The following MEMO1 variants were observed in gnomAD, a reference collection of about 807,000 sequenced individuals.
MEMO1 encodes protein MEMO1.
A neutral mutation model predicts 45.2 loss-of-function variants in MEMO1; 6 were observed. The observed-to-expected ratio is 0.13, with a 90% CI of 0.07 to 0.26. MEMO1 has a LOEUF of 0.26. Ranked by LOEUF, MEMO1 falls within the 10% of genes least tolerant of loss-of-function variation. The pLI is 1.00. For synonymous variants in MEMO1, 78 were observed against 124.3 expected (o/e 0.63, Z 2.48); for missense variants, 184 against 370.5 (o/e 0.50, Z 4.13).
intron 2 of MEMO1, among the ~76,000 whole-genome samples, chr2:31,954,351 A>C (rs1667170341): frequency 6.6e-6 from 1 of 152,180 alleles, no homozygotes; most frequent in Admixed American, 6.5e-5. Context: ...TGGAAGGCCG[A>C]GGTGGGAGGA....
intron 2 of MEMO1, among the ~76,000 whole-genome samples, chr2:32,006,919 C>T (rs1014367526): frequency 7.4e-6 from 1 of 135,718 alleles, no homozygotes; most frequent in Non-Finnish European, 1.5e-5. Flanking sequence ...GAGCCAAGAT[C>T]GTGCCATTGC....
intron 3 of MEMO1, among the ~76,000 whole-genome samples, chr2:31,938,305 T>TTAAA (rs1322575126): frequency 6.6e-6 from 1 of 151,922 alleles, no homozygotes; most frequent in Non-Finnish European, 1.5e-5. Flanking sequence ...GGTTCTGAGT[T>TTAAA]TATTTAAGGT....
At chr2:31,868,742 CT>C (rs1245527316) in intron 9 of MEMO1, among the ~76,000 whole-genome samples, 1 of 152,156 alleles carries the variant, frequency 6.6e-6, no homozygotes, top group African/African-American at 2.4e-5. Flanking sequence ...CTCCCTCTCC[CT>C]GTAATAAGGC....
chr2:31,905,747 G>C (rs187780329), intron 6 of MEMO1, among the ~76,000 whole-genome samples: 98 of 152,206 alleles, frequency 6.4e-4, no homozygotes, highest in African/African-American at 2.3e-3. Flanking sequence ...CATCTTAACT[G>C]TCTCACATAG....
intron 2 of MEMO1, among the ~76,000 whole-genome samples, chr2:31,955,284 C>G (rs1045374751): frequency 6.6e-6 from 1 of 152,118 alleles, no homozygotes; most frequent in South Asian, 2.1e-4. Flanking sequence ...GTGAATGCAG[C>G]TAACAGACTC....
intron 8 of MEMO1, among the ~76,000 whole-genome samples, chr2:31,878,414 C>A (rs546897739): frequency 6.6e-6 from 1 of 152,232 alleles, no homozygotes; most frequent in East Asian, 1.9e-4. Flanking sequence ...TTGGTTCCTA[C>A]TTTAAGCCAC....
chr2:31,966,940 T>G (rs1183963858), intron 2 of MEMO1, among the ~76,000 whole-genome samples: 4 of 152,102 alleles, frequency 2.6e-5, no homozygotes, highest in Admixed American at 6.6e-5. Flanking sequence ...AACCAAGTAT[T>G]TTTATAATTT....
At chr2:31,988,334 G>A (rs1671526318) in intron 2 of MEMO1, among the ~76,000 whole-genome samples, 1 of 151,802 alleles carries the variant, frequency 6.6e-6, no homozygotes, top group South Asian at 2.1e-4. Context: ...ATCACTTGAG[G>A]TCAGGAGTTT....
intron 2 of MEMO1, among the ~76,000 whole-genome samples, chr2:31,960,180 G>C (rs184745095): frequency 2.6e-3 from 396 of 150,184 alleles, no homozygotes; most frequent in Middle Eastern, 6.8e-3. Context: ...CTGGGTGATA[G>C]AGCAAGATCC....
At chr2:31,970,849 G>C (rs1246281749) in intron 2 of MEMO1, among the ~76,000 whole-genome samples, 1 of 151,912 alleles carries the variant, frequency 6.6e-6, no homozygotes, top group Non-Finnish European at 1.5e-5. Flanking sequence ...ACTAAAAATA[G>C]ACCAATTAGC....
At chr2:31,932,751 T>A (rs540815037) in intron 3 of MEMO1, among the ~76,000 whole-genome samples, 201 of 152,306 alleles carry the variant, frequency 1.3e-3, no homozygotes, top group African/African-American at 4.4e-3. Context: ...TGAGTTTTTT[T>A]ATACTCCTCT....
intron 4 of MEMO1, among the ~76,000 whole-genome samples, chr2:31,931,271 C>T (rs953430958): frequency 6.6e-5 from 10 of 152,108 alleles, no homozygotes; most frequent in Non-Finnish European, 1.5e-4. Context: ...GCATGATTTT[C>T]TTTATTAAAT....
intron 2 of MEMO1, among the ~76,000 whole-genome samples, chr2:31,960,007 A>G (rs1169475325): frequency 6.6e-6 from 1 of 152,162 alleles, no homozygotes; most frequent in Non-Finnish European, 1.5e-5. Flanking sequence ...GGATCACTTG[A>G]GGCCAGGAGT....
At chr2:31,920,686 A>G in intron 5 of MEMO1, 112 bp downstream of exon 5, 1 of 533,758 alleles carries the variant, frequency 1.9e-6, no homozygotes, top group South Asian at 4.8e-5. Flanking sequence ...AACAATTTTT[A>G]TTTTAAATAT....
intron 2 of MEMO1, among the ~76,000 whole-genome samples, chr2:31,984,036 G>T (rs114986849): frequency 6.6e-6 from 1 of 152,188 alleles, no homozygotes; most frequent in Non-Finnish European, 1.5e-5. Flanking sequence ...TAAGTTGAGT[G>T]GGGGAGGGGC....
rs1317305999 is a variant in MEMO1 at position 31,907,818 on chromosome 2, CACAT to C, written c.437+10104_437+10107del. 6.0e-3 allele frequency among the ~76,000 whole-genome samples: 901 copies of C among 150,236 alleles called. 12 individuals carry two copies. The highest frequency in any genetic ancestry group is 0.02 in the African/African-American group (837 of 40,960). On this transcript the variant is annotated intron_variant, in intron 6 of 9. Transcript: ENST00000404530. ...ACACACACACACACACACACACACA[CACAT>C]ACACACAACTAGTACAACTAGCAAA... is the stretch of plus-strand genomic sequence containing the variant.
chr2:31,873,122 A>G (rs994860140), intron 8 of MEMO1, among the ~76,000 whole-genome samples: 1 of 152,192 alleles, frequency 6.6e-6, no homozygotes, highest in African/African-American at 2.4e-5. Context: ...TTATTTCTTA[A>G]AAGAGTAGAA....
At chr2:31,953,041 T>C (rs945888822) in intron 2 of MEMO1, among the ~76,000 whole-genome samples, 1 of 152,202 alleles carries the variant, frequency 6.6e-6, no homozygotes, top group African/African-American at 2.4e-5. Flanking sequence ...AATTCTGTAT[T>C]ATGTATCTAT....
chr2:31,912,980 A>G (rs1484365137), intron 6 of MEMO1, among the ~76,000 whole-genome samples: 1 of 152,186 alleles, frequency 6.6e-6, no homozygotes, highest in Non-Finnish European at 1.5e-5. Context: ...CAATTTTTAA[A>G]TCTATTAAAA....
Sources: gnomAD v4.1 joint callset for allele counts (sites outside exome capture counted in the v4.1 genomes callset) on GRCh38, gnomAD v4.1.1 for gene constraint, MANE v1.5 for transcripts, NCBI Gene and HGNC (gene_info 2026-07-23, HGNC 2026-07-21) for gene names.